Variants in PDE4D observed in about 807,000 individuals in gnomAD.
PDE4D encodes phosphodiesterase 4D, also known as 3',5'-cyclic-AMP phosphodiesterase 4D.
In PDE4D, 24 loss-of-function variants were observed where a neutral mutation model predicts 87.4. That is an observed-to-expected ratio of 0.27 (90% CI 0.20 to 0.39). The LOEUF (loss-of-function observed/expected upper bound fraction) is 0.39, where lower values mean the gene tolerates loss of function less well. Among genes scored for constraint, PDE4D ranks in the 10% least tolerant of loss-of-function variants. The probability of loss-of-function intolerance (pLI) is 1.00; values close to 1 mark genes in which losing one functional copy is unlikely to be tolerated. For synonymous variants in PDE4D, 384 were observed against 383.2 expected, an observed-to-expected ratio of 1.00 and a Z score of -0.02; for missense variants, 714 against 1,041.0, an observed-to-expected ratio of 0.69 and a Z score of 4.32.
intron 2 of PDE4D, among the ~76,000 whole-genome samples, chr5:59,202,230 C>T (rs1254075018): frequency 6.6e-6 from 1 of 151,930 alleles, no homozygotes; most frequent in Non-Finnish European, 1.5e-5. Context: ...TTAGTAGAGA[C>T]AGGATTTCAC....
chr5:60,098,575 A>G (rs1775924791), intron 2 of PDE4D, among the ~76,000 whole-genome samples: 1 of 151,866 alleles, frequency 6.6e-6, no homozygotes, highest in Non-Finnish European at 1.5e-5. Flanking sequence ...TCTTTCTCAA[A>G]TAGTTTGTTG....
intron 1 of PDE4D, among the ~76,000 whole-genome samples, chr5:60,315,400 G>A (rs1475719197): frequency 6.6e-6 from 1 of 152,112 alleles, no homozygotes; most frequent in Non-Finnish European, 1.5e-5. Context: ...TTTGTCAGAT[G>A]AGTAGATGGC....
chr5:59,176,967 T>A (rs915126742), intron 5 of PDE4D, among the ~76,000 whole-genome samples: 1 of 152,022 alleles, frequency 6.6e-6, no homozygotes, highest in Non-Finnish European at 1.5e-5. Context: ...ACCCACAAGT[T>A]TTCCTCTCAT....
intron 6 of PDE4D, among the ~76,000 whole-genome samples, chr5:59,006,267 G>C (rs1751580625): frequency 6.6e-6 from 1 of 152,160 alleles, no homozygotes; most frequent in African/African-American, 2.4e-5. Flanking sequence ...TGTTGAAATA[G>C]AAAAAATAGT....
chr5:59,641,715 C>A (rs989104890), intron 1 of PDE4D, among the ~76,000 whole-genome samples: 1 of 152,120 alleles, frequency 6.6e-6, no homozygotes, highest in African/African-American at 2.4e-5. Context: ...CTAAATCTTA[C>A]TAATAATCAA....
chr5:60,169,089 A>G (rs1282013439), intron 2 of PDE4D, among the ~76,000 whole-genome samples: 1 of 152,130 alleles, frequency 6.6e-6, no homozygotes, highest in African/African-American at 2.4e-5. Context: ...CAGAATACGG[A>G]TAAGACAGCT....
chr5:59,185,146 T>C, intron 4 of PDE4D, 43 bp downstream of exon 4: 1 of 1,506,494 alleles, frequency 6.6e-7, no homozygotes, highest in Non-Finnish European at 9.2e-7. Flanking sequence ...AAAACTTATT[T>C]AAAAGTTCAG....
At chr5:59,515,964 T>C (rs1181911684) in intron 1 of PDE4D, among the ~76,000 whole-genome samples, 1 of 152,214 alleles carries the variant, frequency 6.6e-6, no homozygotes, top group East Asian at 1.9e-4. Flanking sequence ...CTTCTCACAC[T>C]GCACACAGAA....
At chr5:60,330,036 T>C (rs886188234) in intron 1 of PDE4D, among the ~76,000 whole-genome samples, 7 of 138,668 alleles carry the variant, frequency 5.0e-5, no homozygotes, top group Non-Finnish European at 9.1e-5. Flanking sequence ...TAGTTCTAAA[T>C]GAGATAAAAA....
At chr5:59,707,509 TA>T (rs1244475938) in intron 1 of PDE4D, among the ~76,000 whole-genome samples, 1 of 152,162 alleles carries the variant, frequency 6.6e-6, no homozygotes, top group Non-Finnish European at 1.5e-5. Flanking sequence ...TTTAGGTTTT[TA>T]TTTTTTTTGT....
intron 1 of PDE4D, among the ~76,000 whole-genome samples, chr5:60,259,147 T>C (rs983189031): frequency 6.6e-6 from 1 of 152,096 alleles, no homozygotes; most frequent in Non-Finnish European, 1.5e-5. Flanking sequence ...GAGTTCTTCC[T>C]ATAATTATAA....
intron 2 of PDE4D, among the ~76,000 whole-genome samples, chr5:60,015,989 G>A (rs1164533379): frequency 1.3e-5 from 2 of 150,452 alleles, no homozygotes; most frequent in South Asian, 2.1e-4. Flanking sequence ...CTGGGTTCAC[G>A]CCATTCTTAA....
At chr5:59,662,047 GT>G (rs1307116105) in intron 1 of PDE4D, among the ~76,000 whole-genome samples, 1 of 152,158 alleles carries the variant, frequency 6.6e-6, no homozygotes, top group Non-Finnish European at 1.5e-5. Context: ...GGAGATGACA[GT>G]CTGTCATTTT....
chr5:60,284,216 T>G (rs982092833), intron 1 of PDE4D, among the ~76,000 whole-genome samples: 1 of 152,190 alleles, frequency 6.6e-6, no homozygotes, highest in South Asian at 2.1e-4. Flanking sequence ...TATAGAGAGC[T>G]ATTAATGTTT....
intron 1 of PDE4D, among the ~76,000 whole-genome samples, chr5:59,602,056 A>G (rs1254249268): frequency 6.6e-6 from 1 of 152,082 alleles, no homozygotes; most frequent in African/African-American, 2.4e-5. Flanking sequence ...AAAACACAAT[A>G]AAAAGACTGT....
At position 58,969,501 on chromosome 5, in the gene PDE4D, AC is replaced by A. The variant is rs1162528495; in HGVS notation, c.*5162del. 1 of 152,258 alleles carries A rather than the reference AC, an allele frequency of 6.6e-6. No homozygotes were observed. The highest frequency in any genetic ancestry group is 1.9e-4 in the East Asian group (1 of 5,176). The allele number at this position is 152,258 out of a possible 1,614,324, so 9.4% of individuals were successfully genotyped here. On this transcript the variant is annotated 3_prime_UTR_variant, in exon 15 of 15. Coordinates refer to ENST00000340635, the MANE Select transcript of PDE4D (RefSeq NM_001104631.2). Reference sequence around the variant, plus strand: ...TCAACTTTTTCCCTAGTTACCTCTTACAATCCTTCAGAACTCAGATGCAAAT... The same window carrying A: ...TCAACTTTTTCCCTAGTTACCTCTTAAATCCTTCAGAACTCAGATGCAAAT...
chr5:60,292,167 AAC>A, intron 1 of PDE4D, among the ~76,000 whole-genome samples: 1 of 152,288 alleles, frequency 6.6e-6, no homozygotes, highest in Non-Finnish European at 1.5e-5. Context: ...TGAATAGAAA[AAC>A]ACATTATTTA....
chr5:60,365,901 G>A (rs372133891), intron 1 of PDE4D, among the ~76,000 whole-genome samples: 27 of 152,004 alleles, frequency 1.8e-4, no homozygotes, highest in Middle Eastern at 3.4e-3. Flanking sequence ...AAAATTATTC[G>A]TGCATGATGG....
rs61116888 is a variant in PDE4D, at chr5:59,609,377, T to TACACACACACACACACACACAC, written c.455+283769_455+283790dup. Reference sequence around the variant, plus strand: ...CGTATATCTCTCTAATTTGTATATGTACACACACACACACACACACACATA... The same window carrying TACACACACACACACACACACAC: ...CGTATATCTCTCTAATTTGTATATGTACACACACACACACACACACACACACACACACACACACACACACATA... On this transcript the variant is annotated intron_variant, in intron 1 of 14. Transcript: ENST00000340635. Among the ~76,000 whole-genome samples, 36 of 147,690 alleles carry TACACACACACACACACACACAC rather than the reference T, an allele frequency of 2.4e-4. 1 individual carries two copies. Among genetic ancestry groups the TACACACACACACACACACACAC allele is most frequent in the African/African-American group, 5.0e-4 (20 of 39,830 alleles).
Sources: gnomAD v4.1 joint callset for allele counts (sites outside exome capture counted in the v4.1 genomes callset) on GRCh38, gnomAD v4.1.1 for gene constraint, MANE v1.5 for transcripts, NCBI Gene and HGNC (gene_info 2026-07-23, HGNC 2026-07-21) for gene names.